FMNL3: variants seen among roughly 807,000 people sequenced by gnomAD.
FMNL3 encodes formin-like protein 3.
FMNL3 carries 57 observed loss-of-function variants against 119.6 expected under a neutral mutation model. That is an observed-to-expected ratio of 0.48 (90% CI 0.39 to 0.59). FMNL3 has a LOEUF of 0.59. Among genes scored for constraint, FMNL3 ranks in the 20% least tolerant of loss-of-function variants. FMNL3 has a pLI of 0.00. For synonymous variants in FMNL3, 491 were observed against 507.3 expected, an observed-to-expected ratio of 0.97 and a Z score of 0.43; for missense variants, 1,053 against 1,323.5, an observed-to-expected ratio of 0.80 and a Z score of 3.17.
chr12:49,679,519 CTTTTTTTTTTTT>C (rs551320921), intron 1 of FMNL3, among the ~76,000 whole-genome samples: 9 of 90,642 alleles, frequency 9.9e-5, no homozygotes, highest in African/African-American at 3.7e-4. Context: ...GCATTTGTGT[CTTTTTTTTTTTT>C]TTTTTTTTTT....
chr12:49,693,501 T>C (rs1247304280), intron 1 of FMNL3, among the ~76,000 whole-genome samples: 3 of 150,508 alleles, frequency 2.0e-5, no homozygotes, highest in African/African-American at 7.4e-5. Context: ...CCTCAGCCTC[T>C]CCAGTAGCTG....
chr12:49,649,481 G>A lies in FMNL3; in HGVS notation c.2293C>T (p.Gln765Ter). 1 of 1,614,128 alleles carries A rather than the reference G, an allele frequency of 6.2e-7. No individual in the cohort carries two copies. The highest frequency in any genetic ancestry group is 8.5e-7 in the Non-Finnish European group (1 of 1,180,036). ...ASVKSSQKLK[Q>*]MLEIILALGN... ...CAACCTCTTCCCACCTCCAACATCT[G>A]CTTCAGCTTCTGTGAAGACTTGACG... Residue 765 changes from glutamine (Q) to a stop codon, truncating the protein, a stop_gained, in exon 19 of 26, where the codon CAG becomes TAG. Coordinates refer to ENST00000335154, the MANE Select transcript of FMNL3 (RefSeq NM_175736.5). LOFTEE classifies it high-confidence loss of function. The surrounding 1 kb of genome is among the most constrained non-coding windows in gnomAD (Gnocchi z 5.6).
In FMNL3 at chr12:49,658,504, G is replaced by A. The variant is rs1943641489; in HGVS notation, c.543C>T (p.Pro181=). ...TGGTGAAGGGGGCCGACAGGGCGCT[G>A]GGTGGCTGCAGGTCCTCGATTGACC... The part of the protein sequence containing the change: ...WSRSIEDLQP[P]SALSAPFTNS... The change falls in exon 6 of 26, where the codon CCC becomes CCT. Residue 181 remains proline (P), a synonymous_variant. Transcript: ENST00000335154. The A allele has an allele frequency of 6.2e-7, 1 of 1,613,598 alleles. No homozygotes were observed. The highest frequency in any genetic ancestry group is 1.3e-5 in the African/African-American group (1 of 74,912).
At chr12:49,690,425 C>T (rs1280905177) in intron 1 of FMNL3, among the ~76,000 whole-genome samples, 2 of 152,144 alleles carry the variant, frequency 1.3e-5, no homozygotes, top group Admixed American at 1.3e-4. Flanking sequence ...TCTTTGCCTT[C>T]CAAGAATATA....
intron 4 of FMNL3, among the ~76,000 whole-genome samples, chr12:49,664,933 C>A (rs553412490): frequency 6.6e-6 from 1 of 152,082 alleles, no homozygotes; most frequent in Non-Finnish European, 1.5e-5. Flanking sequence ...ACCCCACCCC[C>A]ACCTGGGCCT....
rs202182079 is a variant in FMNL3, at chr12:49,646,933, C to T, written c.2948G>A (p.Arg983Gln). Residue 983 changes from arginine to glutamine, a missense_variant, in exon 25 of 26, where the codon CGG (arginine) becomes CAG (glutamine). This residue lies in a region of FMNL3 where 324 missense variants were observed against 380.9 expected (regional missense o/e 0.85). Coordinates refer to ENST00000335154, the MANE Select transcript of FMNL3 (RefSeq NM_175736.5). ...ACCATCCTTCCCCTCATAAACAGGC[C>T]GGTGTTCCTTGGCCTGGCGCCGCCT... Reference protein sequence around the residue: ...ELRRRQAKEHRPVYEGKDGTI... With the variant: ...ELRRRQAKEHQPVYEGKDGTI... The T allele has an allele frequency of 5.6e-6, 9 of 1,613,936 alleles. No individual in the cohort carries two copies. The highest frequency in any genetic ancestry group is 2.2e-5 in the East Asian group (1 of 44,886).
intron 1 of FMNL3, among the ~76,000 whole-genome samples, chr12:49,677,551 T>G (rs1467666240): frequency 6.6e-6 from 1 of 152,262 alleles, no homozygotes; most frequent in Non-Finnish European, 1.5e-5. Flanking sequence ...AGAACCTATA[T>G]AGTAAATATT....
intron 1 of FMNL3, among the ~76,000 whole-genome samples, chr12:49,671,007 CTG>C (rs1944029978): frequency 1.3e-5 from 2 of 152,334 alleles, no homozygotes; most frequent in East Asian, 3.9e-4. Context: ...TCTCCTAAGT[CTG>C]TGCCATGAAA....
intron 1 of FMNL3, among the ~76,000 whole-genome samples, chr12:49,706,354 G>C (rs757028296): frequency 5.9e-4 from 90 of 152,202 alleles, no homozygotes; most frequent in Non-Finnish European, 1.1e-3. Flanking sequence ...ACGTGAAAAG[G>C]GGGGGAGGAG....
In FMNL3 at chr12:49,653,703, C is replaced by A. The variant is rs556261235; in HGVS notation, c.1221+22G>T. ...GAGCTTCCATCAACAGTGGCTCTGG[C>A]AGGCAAAGGAAGACCACCTACATGG... On this transcript the variant is annotated intron_variant, in intron 12 of 25. Coordinates refer to ENST00000335154, the MANE Select transcript of FMNL3 (RefSeq NM_175736.5). The A allele has an allele frequency of 5.0e-5, 80 of 1,612,752 alleles. 1 individual carries two copies. In the South Asian group the frequency reaches 8.5e-4, roughly 17 times the overall value.
rs375325470 is a variant in FMNL3, at chr12:49,637,200, G to T, written c.*8615C>A. The T allele has an allele frequency of 1.0e-5, 6 of 574,960 alleles. No individual in the cohort carries two copies. The highest frequency in any genetic ancestry group is 1.9e-5 in the Non-Finnish European group (6 of 323,020). 35.6% of individuals were successfully genotyped at this position (574,960 alleles called of 1,614,324 possible). On this transcript the variant is annotated 3_prime_UTR_variant, in exon 26 of 26. Coordinates refer to ENST00000335154, the MANE Select transcript of FMNL3 (RefSeq NM_175736.5). ...GTGGCAGTGGTGGTGGTAGTGCTAG[G>T]GGTTACTGCAGGCAGGTTTCTGTTT...
intron 1 of FMNL3, among the ~76,000 whole-genome samples, chr12:49,674,185 T>C (rs1476565967): frequency 1.3e-5 from 2 of 152,286 alleles, no homozygotes; most frequent in East Asian, 3.9e-4. Flanking sequence ...GAGCTCGGGT[T>C]TGGAGAAGAT....
At chr12:49,661,280 A>G (rs984444541) in intron 5 of FMNL3, among the ~76,000 whole-genome samples, 1 of 152,162 alleles carries the variant, frequency 6.6e-6, no homozygotes, top group African/African-American at 2.4e-5. Flanking sequence ...TTTCACAACA[A>G]CCCTGGAATG....
intron 1 of FMNL3, among the ~76,000 whole-genome samples, chr12:49,681,833 C>T (rs949315711): frequency 1.3e-5 from 2 of 151,906 alleles, no homozygotes; most frequent in East Asian, 3.9e-4. Context: ...GCTAGAATTA[C>T]AAGTGTGACC....
At chr12:49,685,477 A>ATAC (rs1944434879) in intron 1 of FMNL3, among the ~76,000 whole-genome samples, 1 of 152,024 alleles carries the variant, frequency 6.6e-6, no homozygotes. Context: ...AATAATAATA[A>ATAC]TAATGTCCCT....
chr12:49,693,416 C>T (rs1263511675), intron 1 of FMNL3, among the ~76,000 whole-genome samples: 1 of 151,380 alleles, frequency 6.6e-6, no homozygotes, highest in Non-Finnish European at 1.5e-5. Context: ...CTCGCTCTGT[C>T]ACCCAGGCTG....
chr12:49,646,792 G>A, intron 25 of FMNL3, 94 bp downstream of exon 25: 2 of 1,604,698 alleles, frequency 1.2e-6, no homozygotes, highest in Non-Finnish European at 1.7e-6. Flanking sequence ...CAGGCCTCAT[G>A]GGGGGTGGGG....
Position 49,649,101 on chromosome 12 carries a change from T to C in FMNL3, c.2443A>G (p.Thr815Ala). 2 of 1,613,770 alleles carry C rather than the reference T, an allele frequency of 1.2e-6. No individual in the cohort carries two copies. The highest frequency in any genetic ancestry group is 1.7e-6 in the Non-Finnish European group (2 of 1,179,778). ...KMTLLHFIAL[T>A]VKEKYPDLAN... is the part of the protein sequence containing the mutation. Reference sequence around the variant, plus strand: ...AGGTCTGGGTATTTCTCCTTCACTGTCAAGGCGATGAAATGAAGCAGTGTC... The same window carrying C: ...AGGTCTGGGTATTTCTCCTTCACTGCCAAGGCGATGAAATGAAGCAGTGTC... Residue 815 changes from threonine (T) to alanine (A), a missense_variant, in exon 21 of 26, where the codon ACA becomes GCA. Thr to Ala is a moderately conservative substitution (Grantham distance 58, BLOSUM62 0). Transcript: ENST00000335154. The surrounding 1 kb of genome is among the most constrained non-coding windows in gnomAD (Gnocchi z 5.6).
chr12:49,707,175 G>GGGCTCAGCT lies in FMNL3; in HGVS notation c.5_6insAGCTGAGCC (p.Gly2_Asn3insAlaGluPro). 6.4e-7 allele frequency: 1 copy of GGGCTCAGCT among 1,554,812 alleles called. No individual in the cohort carries two copies. ...GGACCCCCTCGGCGCTCTCCAGGTT[G>GGGCTCAGCT]CCCATCGCGGCGGGGCCCCCTCAGG... On this transcript the variant is annotated inframe_insertion, in exon 1 of 26. Transcript: ENST00000335154.
Sources: gnomAD v4.1 joint callset for allele counts (sites outside exome capture counted in the v4.1 genomes callset) on GRCh38, gnomAD v4.1.1 for gene constraint, gnomAD v4.1.1 regional missense constraint, Gnocchi (gnomAD v3.1) non-coding constraint, MANE v1.5 for transcripts, NCBI Gene and HGNC (gene_info 2026-07-23, HGNC 2026-07-21) for gene names.